SCRIB: variants seen among roughly 807,000 people sequenced by gnomAD.
SCRIB encodes the protein protein scribble homolog.
Under a neutral mutation model 170.0 loss-of-function variants are expected in SCRIB, and 72 were observed. The ratio of observed to expected loss-of-function variants is 0.42; its 90% CI spans 0.35 to 0.52. The LOEUF (loss-of-function observed/expected upper bound fraction) is 0.52, where lower values mean the gene tolerates loss of function less well. SCRIB is among the 20% of genes least tolerant of loss of function. SCRIB has a pLI of 0.02. For missense variants in SCRIB, 2,475 were observed against 2,338.5 expected (o/e 1.06, Z -1.20); for synonymous variants, 1,298 against 1,044.3 (o/e 1.24, Z -4.68).
At chr8:143,807,749 C>T (rs911412034) in intron 15 of SCRIB, 135 bp from the exon 16 acceptor site, 8 of 738,390 alleles carry the variant, frequency 1.1e-5, no homozygotes, top group South Asian at 5.8e-5. Flanking sequence ...CTGGCACGGG[C>T]GCCTCCATCC....
intron 24 of SCRIB, among the ~76,000 whole-genome samples, chr8:143,797,094 C>T (rs927650827): frequency 1.1e-4 from 16 of 152,058 alleles, no homozygotes; most frequent in Middle Eastern, 3.2e-3. Context: ...GAGAAAGGGG[C>T]AACTCCAGGG....
chr8:143,805,355 C>A lies in SCRIB; in HGVS notation c.2427G>T (p.Met809Ile). Residue 809 changes from methionine (M) to isoleucine (I), a missense_variant, in exon 19 of 37, where the codon ATG becomes ATT. Around this residue, in one of 3 missense-constraint regions of SCRIB, gnomAD observed 1,966 missense variants for 1,742.9 expected, o/e 1.13. Coordinates refer to ENST00000356994, the MANE Select transcript of SCRIB (RefSeq NM_182706.5). ...ALRGAGTAVQ[M>I]RVWRERMVEP... is the part of the protein sequence containing the mutation. ...CCACCATGCGCTCCCGCCACACTCG[C>A]ATCTGCACGGCAGTGCCGGCCCCCC... 6.4e-7 allele frequency: 1 copy of A among 1,552,296 alleles called. No homozygotes were observed. Among genetic ancestry groups the A allele is most frequent in the Non-Finnish European group, 8.7e-7 (1 of 1,155,018 alleles).
Position 143,806,081 on chromosome 8 carries a change from G to A in SCRIB, c.2346+326C>T, listed in dbSNP as rs569451217. Reference sequence around the variant, plus strand: ...CTGACCCCTCTCGGTCAGCCCAGGAGCGGCCCCTCCTGGAGAGGCCACTGT... The same window carrying A: ...CTGACCCCTCTCGGTCAGCCCAGGAACGGCCCCTCCTGGAGAGGCCACTGT... On this transcript the variant is annotated intron_variant, in intron 18 of 36. Coordinates refer to ENST00000356994, the MANE Select transcript of SCRIB (RefSeq NM_182706.5). 2.0e-3 allele frequency among the ~76,000 whole-genome samples: 297 copies of A among 152,278 alleles called. 1 individual carries two copies. The highest frequency in any genetic ancestry group is 2.9e-3 in the Non-Finnish European group (194 of 68,012).
In SCRIB at chr8:143,813,818, C is replaced by T. The variant is rs1409158496; in HGVS notation, c.356G>A (p.Arg119Lys). 8 of 1,608,762 alleles carry T rather than the reference C, an allele frequency of 5.0e-6. No individual in the cohort carries two copies. The highest frequency in any genetic ancestry group is 4.5e-5 in the East Asian group (2 of 44,784). ...IADFSGNPLSRLPDGFTQLRS... is the reference protein window; with the variant it reads ...IADFSGNPLSKLPDGFTQLRS... ...GACCCCACCACAGGCTGCCACCCAC[C>T]TGGAGAGGGGGTTCCCGCTGAAGTC... is the stretch of plus-strand genomic sequence containing the variant. The change falls in exon 3 of 37, where the codon AGG becomes AAG. Residue 119 changes from arginine to lysine, a missense_variant and splice_region_variant. Physicochemically the swap from Arg to Lys is conservative, Grantham distance 26 (BLOSUM62 2). Coordinates refer to ENST00000356994, the MANE Select transcript of SCRIB (RefSeq NM_182706.5).
At position 143,815,733 on chromosome 8, in the gene SCRIB, A is replaced by G; in HGVS notation, c.-361T>C. On this transcript the variant is annotated 5_prime_UTR_variant, in exon 1 of 37. Coordinates refer to ENST00000356994, the MANE Select transcript of SCRIB (RefSeq NM_182706.5). ...CTGCCCGCCGGACTGCCCCGCCGAC[A>G]CCCACCCGGCCGCCGCGCAGCCCGT... 2 of 983,420 alleles carry G rather than the reference A, an allele frequency of 2.0e-6. No individual in the cohort carries two copies. The highest frequency in any genetic ancestry group is 2.4e-6 in the Non-Finnish European group (2 of 829,300). 60.9% of individuals were successfully genotyped at this position (983,420 alleles called of 1,614,324 possible).
intron 21 of SCRIB, among the ~76,000 whole-genome samples, 164 bp from the exon 22 acceptor site, chr8:143,804,320 C>T (rs1815311375): frequency 6.6e-6 from 1 of 152,370 alleles, no homozygotes; most frequent in African/African-American, 2.4e-5. Context: ...CAGGCAGGCA[C>T]GCAGCGTGAG....
chr8:143,810,809 A>G lies in SCRIB; in HGVS notation c.1281T>C (p.Ala427=). The G allele has an allele frequency of 1.9e-6, 3 of 1,601,410 alleles. No homozygotes were observed. The highest frequency in any genetic ancestry group is 2.5e-6 in the Non-Finnish European group (3 of 1,176,776). Residue 427 remains alanine (A), a synonymous_variant, in exon 12 of 37, where the codon GCT becomes GCC. Transcript: ENST00000356994. ...PQQPPPSLED[A]GQQGSLSETW... Reference sequence around the variant, plus strand: ...TCTCCGAGAGGCTCCCCTGCTGCCCAGCATCCTCTGCAGCAGGTGAGCGTC... The same window carrying G: ...TCTCCGAGAGGCTCCCCTGCTGCCCGGCATCCTCTGCAGCAGGTGAGCGTC...
In SCRIB at chr8:143,803,395, GTCGGTGCTGGCCTCA is replaced by G; in HGVS notation, c.3576_3590del (p.Glu1193_Asp1197del). On this transcript the variant is annotated inframe_deletion, in exon 24 of 37. Coordinates refer to ENST00000356994, the MANE Select transcript of SCRIB (RefSeq NM_182706.5). ...CGGGATCGCTAACCTCCAGGGCTGC[GTCGGTGCTGGCCTCA>G]AAGCCGTCACAGACCAGCACGGTGA... The G allele has an allele frequency of 6.3e-7, 1 of 1,579,890 alleles. No homozygotes were observed. Among genetic ancestry groups the G allele is most frequent in the Non-Finnish European group, 8.6e-7 (1 of 1,166,152 alleles).
chr8:143,805,670 A>G (rs1587531358), intron 18 of SCRIB, among the ~76,000 whole-genome samples: 4 of 152,256 alleles, frequency 2.6e-5, no homozygotes, highest in African/African-American at 9.6e-5. Flanking sequence ...GCCAGGACAC[A>G]CACTGGCCAC....
At position 143,806,625 on chromosome 8, in the gene SCRIB, G is replaced by A. The variant is rs1330013779; in HGVS notation, c.2269-141C>T. The A allele has an allele frequency of 4.2e-6, 3 of 706,090 alleles. No individual in the cohort carries two copies. The African/African-American group carries it at 5.3e-5, about 12-fold the overall frequency. 43.7% of individuals were successfully genotyped at this position (706,090 alleles called of 1,614,324 possible). ...GCAGGAGGACTGAGCTCTAGCCACT[G>A]TGGGATCCTGAGTGCCAGGGGGTTA... On this transcript the variant is annotated intron_variant, in intron 17 of 36. Coordinates refer to ENST00000356994, the MANE Select transcript of SCRIB (RefSeq NM_182706.5).
In SCRIB at chr8:143,805,927, C is replaced by T. The variant is rs562704456; in HGVS notation, c.2346+480G>A. Reference sequence around the variant, plus strand: ...GGGCCCTCACCTGCCCTCAGTGTGTCCCTACAAGAAGGGCGCATGCCTCTT... The same window carrying T: ...GGGCCCTCACCTGCCCTCAGTGTGTTCCTACAAGAAGGGCGCATGCCTCTT... On this transcript the variant is annotated intron_variant, in intron 18 of 36. Transcript: ENST00000356994. Among the ~76,000 whole-genome samples the T allele has an allele frequency of 1.1e-4, 17 of 152,326 alleles. No individual in the cohort carries two copies. The Middle Eastern group carries it at 0.01, about 91-fold the overall frequency.
At chr8:143,801,897 G>A (rs967799285) in intron 24 of SCRIB, among the ~76,000 whole-genome samples, 1 of 152,164 alleles carries the variant, frequency 6.6e-6, no homozygotes, top group Non-Finnish European at 1.5e-5. Context: ...GACATGTCAC[G>A]GCAGGCTCGT....
In SCRIB at chr8:143,813,392, T is replaced by C. The variant is rs763345142; in HGVS notation, c.504-18A>G. 10 of 1,613,056 alleles carry C rather than the reference T, an allele frequency of 6.2e-6. No homozygotes were observed. The highest frequency in any genetic ancestry group is 8.5e-6 in the Non-Finnish European group (10 of 1,179,912). On this transcript the variant is annotated intron_variant, in intron 5 of 36. Transcript: ENST00000356994. The stretch of plus-strand genomic sequence containing the variant: ...ACAGGGACCTGCAGAGGAAGCAGGG[T>C]GGAGGTGTGGCCACGCAGCCCTGGT...
intron 24 of SCRIB, among the ~76,000 whole-genome samples, chr8:143,802,825 C>T (rs1587523459): frequency 6.6e-6 from 1 of 152,252 alleles, no homozygotes; most frequent in South Asian, 2.1e-4. Context: ...TGGGCTTCTG[C>T]TCTGGAGTCC....
At chr8:143,793,208 G>A in intron 28 of SCRIB, 125 bp from the exon 29 acceptor site, 1 of 558,084 alleles carries the variant, frequency 1.8e-6, no homozygotes, top group Non-Finnish European at 3.0e-6. Context: ...CCACCATCCT[G>A]CTGGGGAAGG....
intron 27 of SCRIB, chr8:143,794,365 T>C (rs1000980414): frequency 1.0e-5 from 2 of 198,170 alleles, no homozygotes; most frequent in Non-Finnish European, 1.0e-5. Flanking sequence ...ACTGTGCTGT[T>C]GTTCATGAGG....
chr8:143,797,828 G>A lies in SCRIB; in HGVS notation c.3604-2298C>T, dbSNP rs377711386. On this transcript the variant is annotated intron_variant, in intron 24 of 36. Transcript: ENST00000356994. ...GCGGTGGCCAAGCCCCACAGGGATC[G>A]GGCCGCGCCCTTCCACGACGGAGCA... is the stretch of plus-strand genomic sequence containing the variant. Among the ~76,000 whole-genome samples, 120 of 152,392 alleles carry A rather than the reference G, an allele frequency of 7.9e-4. No homozygotes were observed. In the South Asian group the frequency reaches 0.011, roughly 14 times the overall value.
Position 143,792,277 on chromosome 8 carries a change from G to A in SCRIB, c.4457C>T (p.Ser1486Phe). 1 of 1,568,944 alleles carries A rather than the reference G, an allele frequency of 6.4e-7. No homozygotes were observed. ...PEPPAPERALSPAELRALEAE... is the reference protein window; with the variant it reads ...PEPPAPERALFPAELRALEAE... ...CTCCAGGGCCCGGAGCTCGGCAGGG[G>A]ACAGGGCACGCTCGGGTGCCGGTGG... Residue 1486 changes from serine (S) to phenylalanine (F), a missense_variant, in exon 32 of 37, where the codon TCC (serine) becomes TTC (phenylalanine). Physicochemically the swap from Ser to Phe is radical, Grantham distance 155. Around this residue, in one of 3 missense-constraint regions of SCRIB, gnomAD observed 1,966 missense variants for 1,742.9 expected, o/e 1.13. Coordinates refer to ENST00000356994, the MANE Select transcript of SCRIB (RefSeq NM_182706.5).
chr8:143,809,731 G>T lies in SCRIB; in HGVS notation c.1531-13C>A. On this transcript the variant is annotated splice_polypyrimidine_tract_variant and intron_variant, in intron 13 of 36. Coordinates refer to ENST00000356994, the MANE Select transcript of SCRIB (RefSeq NM_182706.5). Reference sequence around the variant, plus strand: ...TCAGCCGCTTCTCCTGCGGCGGGAAGTGGGGTCAGGCTTCGACGGAGCTCC... The same window carrying T: ...TCAGCCGCTTCTCCTGCGGCGGGAATTGGGGTCAGGCTTCGACGGAGCTCC... 6.2e-7 allele frequency: 1 copy of T among 1,605,318 alleles called. No homozygotes were observed.
Sources: gnomAD v4.1 joint callset for allele counts (sites outside exome capture counted in the v4.1 genomes callset) on GRCh38, gnomAD v4.1.1 for gene constraint, gnomAD v4.1.1 regional missense constraint, MANE v1.5 for transcripts, NCBI Gene and HGNC (gene_info 2026-07-23, HGNC 2026-07-21) for gene names.